The following SPPL2A variants were observed in gnomAD, a reference collection of about 807,000 sequenced individuals.
SPPL2A encodes the protein signal peptide peptidase-like 2A.
SPPL2A carries 51 observed loss-of-function variants against 63.8 expected under a neutral mutation model. The observed-to-expected ratio is 0.80, with a 90% CI of 0.64 to 1.01. The LOEUF (loss-of-function observed/expected upper bound fraction) is 1.01, where lower values mean the gene tolerates loss of function less well. SPPL2A is among the 50% of genes least tolerant of loss of function. The pLI is 0.00. For synonymous variants in SPPL2A, 188 were observed against 205.8 expected, an observed-to-expected ratio of 0.91 and a Z score of 0.74; for missense variants, 553 against 622.7, an observed-to-expected ratio of 0.89 and a Z score of 1.19.
At chr15:50,736,515 A>T in intron 7 of SPPL2A, 129 bp downstream of exon 7, 1 of 549,100 alleles carries the variant, frequency 1.8e-6, no homozygotes, top group Non-Finnish European at 3.2e-6. Flanking sequence ...ATTTTACTTA[A>T]ATTTAAATTT....
intron 1 of SPPL2A, among the ~76,000 whole-genome samples, chr15:50,754,065 G>C (rs1214983452): frequency 6.6e-6 from 1 of 152,190 alleles, no homozygotes; most frequent in East Asian, 1.9e-4. Flanking sequence ...CCAAAGTGCT[G>C]GGATTACAGG....
intron 5 of SPPL2A, among the ~76,000 whole-genome samples, chr15:50,741,454 T>G (rs1428429194): frequency 6.6e-6 from 1 of 151,840 alleles, no homozygotes; most frequent in Non-Finnish European, 1.5e-5. Flanking sequence ...CAGAGCTGAA[T>G]GACAGGGTAT....
intron 5 of SPPL2A, among the ~76,000 whole-genome samples, chr15:50,742,280 C>A (rs2062827449): frequency 6.6e-6 from 1 of 151,878 alleles, no homozygotes; most frequent in Non-Finnish European, 1.5e-5. Flanking sequence ...CATGGTGGTG[C>A]ATGGGAGGCT....
chr15:50,727,343 G>A (rs1361907669), intron 10 of SPPL2A, among the ~76,000 whole-genome samples: 1 of 152,178 alleles, frequency 6.6e-6, no homozygotes, highest in South Asian at 2.1e-4. Context: ...GATAAAACCC[G>A]TAGCTGCAGA....
chr15:50,709,291 A>G (rs965016089), intron 14 of SPPL2A, among the ~76,000 whole-genome samples: 15 of 152,192 alleles, frequency 9.9e-5, no homozygotes, highest in Non-Finnish European at 1.9e-4. Context: ...CCTTTCCTTC[A>G]TCAAGAATTA....
intron 12 of SPPL2A, among the ~76,000 whole-genome samples, chr15:50,724,879 A>G (rs1332190690): frequency 1.3e-5 from 2 of 152,200 alleles, no homozygotes; most frequent in Admixed American, 1.3e-4. Context: ...CATAACTATT[A>G]TCTTAAAATA....
rs568477508 is a variant in SPPL2A, at chr15:50,735,540, T to C, written c.932+561A>G. On this transcript the variant is annotated intron_variant, in intron 8 of 14. Coordinates refer to ENST00000261854, the MANE Select transcript of SPPL2A (RefSeq NM_032802.4). ...ACATATATACACACACACACATATATACATACACACACACACACACACACA... is the reference window on the plus strand; with the variant it reads ...ACATATATACACACACACACATATACACATACACACACACACACACACACA... Among the ~76,000 whole-genome samples the C allele has an allele frequency of 7.8e-3, 900 of 115,734 alleles. 15 individuals are homozygous for C. The highest frequency in any genetic ancestry group is 0.028 in the African/African-American group (866 of 31,204). The allele number at this position is 115,734 out of a possible 152,430, so 75.9% of individuals were successfully genotyped here. A position where few individuals can be genotyped will look rare whatever the true frequency, so the allele number is the denominator to read the frequency against.
At chr15:50,732,506 C>T in intron 9 of SPPL2A, 97 bp downstream of exon 9, 2 of 694,726 alleles carry the variant, frequency 2.9e-6, no homozygotes, top group Admixed American at 5.6e-5. Flanking sequence ...AACAGTACGC[C>T]AAAAATTGGC....
intron 1 of SPPL2A, among the ~76,000 whole-genome samples, chr15:50,764,915 A>G: frequency 1.2e-5 from 1 of 86,040 alleles, no homozygotes; most frequent in South Asian, 4.0e-4. Flanking sequence ...CCCCCCTCCA[A>G]AAAAAAAAAA....
chr15:50,721,994 C>T, intron 13 of SPPL2A, 130 bp downstream of exon 13: 1 of 574,446 alleles, frequency 1.7e-6, no homozygotes, highest in Non-Finnish European at 3.1e-6. Flanking sequence ...CTGCCTTGGC[C>T]CCCAAAGTGC....
intron 1 of SPPL2A, among the ~76,000 whole-genome samples, chr15:50,758,187 GC>G (rs1363329994): frequency 6.7e-6 from 1 of 149,826 alleles, no homozygotes; most frequent in Non-Finnish European, 1.5e-5. Flanking sequence ...TACTCAGGAG[GC>G]TGAGGCAGGA....
At chr15:50,747,373 A>G (rs2062866171) in intron 5 of SPPL2A, 122 bp downstream of exon 5, 1 of 782,896 alleles carries the variant, frequency 1.3e-6, no homozygotes, top group Admixed American at 2.5e-5. Flanking sequence ...AAACCTGCAG[A>G]CTGGGCTTAC....
At chr15:50,724,179 T>C (rs898186949) in intron 12 of SPPL2A, among the ~76,000 whole-genome samples, 23 of 152,332 alleles carry the variant, frequency 1.5e-4, no homozygotes, top group African/African-American at 5.5e-4. Flanking sequence ...TGCTAGCTTT[T>C]CTCTCTCTAC....
chr15:50,739,813 T>C lies in SPPL2A; in HGVS notation c.600A>G (p.Ala200=). The change falls in exon 6 of 15, where the codon GCA becomes GCG. Residue 200 remains alanine, a synonymous_variant. Coordinates refer to ENST00000261854, the MANE Select transcript of SPPL2A (RefSeq NM_032802.4). ...TCATTTCTCTATCTTCAGTTGTCAC[T>C]GCTTTCAAGTTTTCCCTGTACAAAC... The part of the protein sequence containing the change: ...SGLVELENLK[A]VTTEDREMRK... 1.2e-6 allele frequency: 2 copies of C among 1,601,030 alleles called. No individual in the cohort carries two copies. The highest frequency in any genetic ancestry group is 1.7e-6 in the Non-Finnish European group (2 of 1,176,800).
intron 11 of SPPL2A, 155 bp downstream of exon 11, chr15:50,726,166 G>C: frequency 6.7e-7 from 1 of 1,495,390 alleles, no homozygotes; most frequent in Non-Finnish European, 9.1e-7. Flanking sequence ...TAATAATTTA[G>C]AATAACTAAG....
intron 5 of SPPL2A, among the ~76,000 whole-genome samples, chr15:50,741,576 A>G (rs2062820649): frequency 6.6e-6 from 1 of 151,362 alleles, no homozygotes; most frequent in South Asian, 2.1e-4. Context: ...CATATGAGCC[A>G]TAATAATTCA....
intron 1 of SPPL2A, among the ~76,000 whole-genome samples, chr15:50,755,627 CAAAAAAAAAAAA>C (rs148415568): frequency 3.2e-4 from 16 of 49,550 alleles, no homozygotes; most frequent in South Asian, 8.2e-4. Flanking sequence ...CACCCTGTCT[CAAAAAAAAAAAA>C]AAAAAAAAAA....
At chr15:50,724,341 C>T (rs1377601844) in intron 12 of SPPL2A, among the ~76,000 whole-genome samples, 1 of 152,062 alleles carries the variant, frequency 6.6e-6, no homozygotes, top group East Asian at 1.9e-4. Context: ...CTTTGGGAGG[C>T]CGAAGCGGGC....
chr15:50,749,517 AC>A (rs2062888902), intron 2 of SPPL2A, 118 bp downstream of exon 2: 1 of 687,720 alleles, frequency 1.5e-6, no homozygotes, highest in African/African-American at 1.8e-5. Flanking sequence ...TGATCTCCTG[AC>A]CTCATGATCC....
Sources: allele counts gnomAD v4.1 joint callset (sites outside exome capture counted in the v4.1 genomes callset), GRCh38; gene constraint gnomAD v4.1.1; transcripts MANE v1.5; gene names NCBI Gene and HGNC (gene_info 2026-07-23, HGNC 2026-07-21).